Variants in TMOD3 observed in about 807,000 individuals in gnomAD.
TMOD3 encodes the protein tropomodulin-3.
A neutral mutation model predicts 39.2 loss-of-function variants in TMOD3; 20 were observed. The observed-to-expected ratio is 0.51, with a 90% CI of 0.36 to 0.74. The LOEUF is 0.74. Ranked by LOEUF, TMOD3 falls within the 30% of genes least tolerant of loss-of-function variation. The pLI is 0.00. For missense variants in TMOD3, 381 were observed against 412.8 expected, an observed-to-expected ratio of 0.92 and a Z score of 0.67; for synonymous variants, 143 against 145.8, an observed-to-expected ratio of 0.98 and a Z score of 0.14.
intron 3 of TMOD3, among the ~76,000 whole-genome samples, chr15:51,885,957 A>G (rs1368120141): frequency 1.6e-4 from 24 of 145,496 alleles, no homozygotes; most frequent in Non-Finnish European, 7.5e-5. Flanking sequence ...CTGGCCGGGC[A>G]GGGGCTGCCC....
At position 51,886,271 on chromosome 15, in the gene TMOD3, C is replaced by T. The variant is rs559759951; in HGVS notation, c.284-1318C>T. Among the ~76,000 whole-genome samples, 532 of 152,308 alleles carry T rather than the reference C, an allele frequency of 3.5e-3. 4 individuals carry two copies. The highest frequency in any genetic ancestry group is 0.012 in the African/African-American group (502 of 41,566). ...CTCACTTCCCAGACGGGGTGGCGGC[C>T]GGGCAGAGGCTGCAATCTGGGCACT... On this transcript the variant is annotated intron_variant, in intron 3 of 9. Coordinates refer to ENST00000308580, the MANE Select transcript of TMOD3 (RefSeq NM_014547.5).
rs2056727760 is a variant in TMOD3, at chr15:51,915,121, G to A, written c.*6311G>A. The stretch of plus-strand genomic sequence containing the variant: ...CTACACTCAGTATGTTTTAATTGAT[G>A]CAAAGCAATTAATTGGCCTAAAATG... On this transcript the variant is annotated 3_prime_UTR_variant, in exon 10 of 10. Coordinates refer to ENST00000308580, the MANE Select transcript of TMOD3 (RefSeq NM_014547.5). 1 of 152,018 alleles carries A rather than the reference G, an allele frequency of 6.6e-6. No individual in the cohort carries two copies. The highest frequency in any genetic ancestry group is 1.9e-4 in the East Asian group (1 of 5,188). The allele number at this position is 152,018 out of a possible 1,614,324, so 9.4% of individuals were successfully genotyped here. A position where few individuals can be genotyped will look rare whatever the true frequency, so the allele number is the denominator to read the frequency against.
intron 1 of TMOD3, among the ~76,000 whole-genome samples, chr15:51,856,529 A>G (rs944643303): frequency 1.3e-5 from 2 of 152,194 alleles, no homozygotes; most frequent in Non-Finnish European, 2.9e-5. Context: ...AGGATATACC[A>G]TGATAAACTT....
At chr15:51,904,781 G>C (rs1205249229) in intron 9 of TMOD3, among the ~76,000 whole-genome samples, 1 of 152,302 alleles carries the variant, frequency 6.6e-6, no homozygotes, top group Non-Finnish European at 1.5e-5. Flanking sequence ...ATGGGGTGTG[G>C]GGGGTGCAAA....
At chr15:51,842,846 A>G (rs978939611) in intron 1 of TMOD3, among the ~76,000 whole-genome samples, 2 of 152,154 alleles carry the variant, frequency 1.3e-5, no homozygotes, top group Admixed American at 1.3e-4. Context: ...TATTGTAACT[A>G]CTACTCCCTT....
chr15:51,872,410 C>T (rs2056479688), intron 3 of TMOD3, among the ~76,000 whole-genome samples: 1 of 151,756 alleles, frequency 6.6e-6, no homozygotes, highest in Non-Finnish European at 1.5e-5. Flanking sequence ...AAAAAGGTAA[C>T]ATCAGCACCC....
chr15:51,856,889 A>G (rs1040853891), intron 1 of TMOD3, among the ~76,000 whole-genome samples: 6 of 152,238 alleles, frequency 3.9e-5, no homozygotes. Context: ...CAGTATAAGC[A>G]TACCCTTTTC....
At chr15:51,839,311 A>G (rs190327991) in intron 1 of TMOD3, among the ~76,000 whole-genome samples, 1 of 151,712 alleles carries the variant, frequency 6.6e-6, no homozygotes, top group African/African-American at 2.4e-5. Context: ...CTGGAACTAA[A>G]GGCACGTGCC....
intron 3 of TMOD3, among the ~76,000 whole-genome samples, chr15:51,873,665 C>G (rs1177467434): frequency 6.6e-6 from 1 of 151,912 alleles, no homozygotes; most frequent in Non-Finnish European, 1.5e-5. Flanking sequence ...AGTGAGCTCT[C>G]ATCGTAAATT....
At chr15:51,837,141 T>C (rs2570239) in intron 1 of TMOD3, among the ~76,000 whole-genome samples, 64,843 of 151,908 alleles carry the variant, frequency 0.43, 14,072 homozygotes, top group Admixed American at 0.52. Context: ...AGCAATTCTT[T>C]TGAGCAGGAT....
At position 51,863,566 on chromosome 15, in the gene TMOD3, GTTGT is replaced by G. The variant is rs367793799; in HGVS notation, c.126+561_126+564del. On this transcript the variant is annotated intron_variant, in intron 2 of 9. Transcript: ENST00000308580. The stretch of plus-strand genomic sequence containing the variant: ...GTAAGCTTTAACTTGCAAGGTGGAT[GTTGT>G]TTGTCTTATAAATTACACAAGGCTA... 1.4e-3 allele frequency among the ~76,000 whole-genome samples: 212 copies of G among 152,326 alleles called. 9 individuals are homozygous for G. Among genetic ancestry groups the G allele is most frequent in the East Asian group, 9.8e-3 (51 of 5,182 alleles).
chr15:51,876,263 G>T (rs1182440153), intron 3 of TMOD3, among the ~76,000 whole-genome samples: 1 of 152,034 alleles, frequency 6.6e-6, no homozygotes, highest in Non-Finnish European at 1.5e-5. Context: ...CAAACTCTTG[G>T]GCTCAGGTGA....
intron 3 of TMOD3, among the ~76,000 whole-genome samples, chr15:51,869,984 G>T (rs1012580789): frequency 6.6e-6 from 1 of 152,072 alleles, no homozygotes; most frequent in Non-Finnish European, 1.5e-5. Context: ...TGTTGCCCAG[G>T]CCGGAGTGCA....
At chr15:51,832,113 T>G (rs1235789192) in intron 1 of TMOD3, among the ~76,000 whole-genome samples, 3 of 150,432 alleles carry the variant, frequency 2.0e-5, no homozygotes, top group African/African-American at 7.3e-5. Flanking sequence ...CCCAGGAGTT[T>G]GAGGTTACAG....
At chr15:51,834,122 T>C (rs559054633) in intron 1 of TMOD3, among the ~76,000 whole-genome samples, 12 of 152,348 alleles carry the variant, frequency 7.9e-5, no homozygotes, top group African/African-American at 2.6e-4. Flanking sequence ...TAGTCTTTCA[T>C]TGGGTCATTC....
At chr15:51,873,265 CAGAAGCTTGTTTTTTAA>C (rs1182334461) in intron 3 of TMOD3, among the ~76,000 whole-genome samples, 9 of 152,154 alleles carry the variant, frequency 5.9e-5, no homozygotes, top group Non-Finnish European at 1.5e-5. Context: ...TCCAAAAATC[CAGAAGCTTGTTTTTTAA>C]AGATAGCTCT....
intron 9 of TMOD3, among the ~76,000 whole-genome samples, chr15:51,905,742 G>C (rs2056675158): frequency 6.6e-6 from 1 of 151,996 alleles, no homozygotes; most frequent in Non-Finnish European, 1.5e-5. Flanking sequence ...TATATCAGTG[G>C]AGTGTGTTTT....
chr15:51,912,785 G>A lies in TMOD3; in HGVS notation c.*3975G>A, dbSNP rs2056718119. 1 of 152,104 alleles carries A rather than the reference G, an allele frequency of 6.6e-6. No homozygotes were observed. The highest frequency in any genetic ancestry group is 2.4e-5 in the African/African-American group (1 of 41,412). The allele number at this position is 152,104 out of a possible 1,614,324, so 9.4% of individuals were successfully genotyped here. ...ATATGGATGCACTAGAGACAACTCG[G>A]GTTGCTGCTCTCAGTTAAGGGCTAT... is the stretch of plus-strand genomic sequence containing the variant. On this transcript the variant is annotated 3_prime_UTR_variant, in exon 10 of 10. Transcript: ENST00000308580.
intron 1 of TMOD3, chr15:51,860,408 C>T (rs1320971641): frequency 5.5e-6 from 3 of 546,888 alleles, no homozygotes; most frequent in African/African-American, 3.8e-5. Flanking sequence ...TTTCCTTCCT[C>T]AGTTTTTCAG....
Sources: allele counts gnomAD v4.1 joint callset (sites outside exome capture counted in the v4.1 genomes callset), GRCh38; gene constraint gnomAD v4.1.1; transcripts MANE v1.5; gene names NCBI Gene and HGNC (gene_info 2026-07-23, HGNC 2026-07-21).